Variants in MALRD1 observed in about 807,000 individuals in gnomAD.
MALRD1 encodes MAM and LDL receptor class A domain containing 1, also known as MAM and LDL-receptor class A domain-containing protein 1.
A neutral mutation model predicts 242.1 loss-of-function variants in MALRD1; 247 were observed. The ratio of observed to expected loss-of-function variants is 1.02; its 90% CI spans 0.92 to 1.13. MALRD1 has a LOEUF of 1.13. Ranked by LOEUF, MALRD1 falls within the 50% of genes most tolerant of loss-of-function variation. The pLI is 0.00. For synonymous variants in MALRD1, 995 were observed against 866.6 expected (o/e 1.15, Z -2.60); for missense variants, 2,989 against 2,533.1 (o/e 1.18, Z -3.86).
At chr10:19,283,855 C>T (rs555949935) in intron 21 of MALRD1, among the ~76,000 whole-genome samples, 1 of 152,286 alleles carries the variant, frequency 6.6e-6, no homozygotes, top group South Asian at 2.1e-4. Flanking sequence ...AATAGAGTGC[C>T]TACTGTGTGA....
intron 29 of MALRD1, among the ~76,000 whole-genome samples, chr10:19,481,048 A>G (rs1836974149): frequency 6.6e-6 from 1 of 152,210 alleles, no homozygotes. Context: ...TTTTCTTTCA[A>G]CCAAGTATAC....
chr10:19,614,764 G>A (rs1209230188), intron 35 of MALRD1, among the ~76,000 whole-genome samples: 2 of 152,048 alleles, frequency 1.3e-5, no homozygotes, highest in Non-Finnish European at 2.9e-5. Context: ...GACACAAGCA[G>A]TGAAATAGGA....
At chr10:19,567,202 A>G (rs1836292923) in intron 32 of MALRD1, among the ~76,000 whole-genome samples, 2 of 152,272 alleles carry the variant, frequency 1.3e-5, no homozygotes, top group South Asian at 4.1e-4. Flanking sequence ...CAATAAAAAA[A>G]TTTGTGTTTA....
chr10:19,362,882 G>A (rs982292593), intron 26 of MALRD1, among the ~76,000 whole-genome samples: 3 of 152,082 alleles, frequency 2.0e-5, no homozygotes, highest in Non-Finnish European at 4.4e-5. Flanking sequence ...AAAGAAGATA[G>A]CAAGAGGTGG....
Position 19,599,428 on chromosome 10 carries a change from C to T in MALRD1, c.5944+3971C>T, listed in dbSNP as rs556031940. ...AATATAGTTTTTATCAAACATATCC[C>T]CTTTTCGTAAAAATATAAAAGAAAA... On this transcript the variant is annotated intron_variant, in intron 34 of 39. Coordinates refer to ENST00000454679, the MANE Select transcript of MALRD1 (RefSeq NM_001142308.3). Among the ~76,000 whole-genome samples, 32 of 151,824 alleles carry T rather than the reference C, an allele frequency of 2.1e-4. No homozygotes were observed. In the South Asian group the frequency reaches 6.1e-3, roughly 29 times the overall value.
intron 19 of MALRD1, 107 bp from the exon 20 acceptor site, chr10:19,279,940 T>C: frequency 1.1e-6 from 1 of 905,754 alleles, no homozygotes; most frequent in Non-Finnish European, 1.6e-6. Context: ...CACTGTTCTC[T>C]ATGATATTGT....
At chr10:19,175,923 A>G (rs1476491024) in intron 14 of MALRD1, among the ~76,000 whole-genome samples, 2 of 152,144 alleles carry the variant, frequency 1.3e-5, no homozygotes, top group African/African-American at 2.4e-5. Flanking sequence ...TGGATCTCAT[A>G]TAGTCAACTA....
intron 36 of MALRD1, among the ~76,000 whole-genome samples, 186 bp from the exon 37 acceptor site, chr10:19,692,091 AATGAT>A (rs1397398054): frequency 6.6e-6 from 1 of 152,178 alleles, no homozygotes; most frequent in Non-Finnish European, 1.5e-5. Context: ...TATCTTACAC[AATGAT>A]ATGAAAATAA....
At chr10:19,276,861 A>G (rs1251605091) in intron 19 of MALRD1, among the ~76,000 whole-genome samples, 1 of 151,080 alleles carries the variant, frequency 6.6e-6, no homozygotes, top group Non-Finnish European at 1.5e-5. Context: ...CTATTTTAGG[A>G]TAGAAAATAT....
intron 32 of MALRD1, among the ~76,000 whole-genome samples, chr10:19,559,092 A>C (rs998448604): frequency 1.3e-5 from 2 of 151,982 alleles, no homozygotes; most frequent in Admixed American, 6.6e-5. Flanking sequence ...CTGAGGTGGG[A>C]GAATCGCTTG....
intron 4 of MALRD1, among the ~76,000 whole-genome samples, chr10:19,094,659 T>TTC (rs1207441525): frequency 6.6e-6 from 1 of 152,222 alleles, no homozygotes; most frequent in Non-Finnish European, 1.5e-5. Context: ...TTCCAGACTT[T>TTC]TCTCATGCTT....
intron 2 of MALRD1, among the ~76,000 whole-genome samples, chr10:19,086,267 C>A (rs1405638130): frequency 6.6e-6 from 1 of 151,954 alleles, no homozygotes; most frequent in Non-Finnish European, 1.5e-5. Flanking sequence ...ACTATTGATT[C>A]TTTTAATGAT....
At chr10:19,327,707 T>C in intron 23 of MALRD1, 34 bp downstream of exon 23, 1 of 1,467,542 alleles carries the variant, frequency 6.8e-7, no homozygotes, top group Non-Finnish European at 9.3e-7. Flanking sequence ...GGTGAGTGAG[T>C]TCTGCTGATT....
intron 33 of MALRD1, among the ~76,000 whole-genome samples, chr10:19,591,266 G>A (rs193185494): frequency 1.3e-5 from 2 of 152,278 alleles, no homozygotes; most frequent in Non-Finnish European, 2.9e-5. Flanking sequence ...TTATTTTACA[G>A]AGTTAAAGGA....
intron 11 of MALRD1, among the ~76,000 whole-genome samples, chr10:19,152,807 G>T (rs2131459933): frequency 6.6e-6 from 1 of 151,810 alleles, no homozygotes; most frequent in African/African-American, 2.4e-5. Flanking sequence ...ATGTCTACTA[G>T]ATATTTTATT....
chr10:19,618,242 G>A (rs1589314548), intron 36 of MALRD1, among the ~76,000 whole-genome samples: 2 of 151,956 alleles, frequency 1.3e-5, no homozygotes, highest in African/African-American at 4.8e-5. Context: ...ATCGATGGGT[G>A]TTTAGATTGA....
chr10:19,518,831 A>G (rs1469139618), intron 31 of MALRD1, among the ~76,000 whole-genome samples: 15 of 152,224 alleles, frequency 9.9e-5, no homozygotes, highest in Non-Finnish European at 4.4e-5. Context: ...GGCAATTGCC[A>G]TTCATGAATC....
chr10:19,316,625 C>T (rs1265481823), intron 21 of MALRD1, among the ~76,000 whole-genome samples: 5 of 151,704 alleles, frequency 3.3e-5, no homozygotes, highest in Admixed American at 2.0e-4. Flanking sequence ...GGAGCAGTTC[C>T]GCACAACGAG....
intron 33 of MALRD1, among the ~76,000 whole-genome samples, chr10:19,585,604 C>T (rs1251451905): frequency 6.6e-6 from 1 of 152,154 alleles, no homozygotes; most frequent in Non-Finnish European, 1.5e-5. Flanking sequence ...TGCTGTTATT[C>T]TGATGGGCTT....
Sources: allele counts gnomAD v4.1 joint callset (sites outside exome capture counted in the v4.1 genomes callset), GRCh38; gene constraint gnomAD v4.1.1; transcripts MANE v1.5; gene names NCBI Gene and HGNC (gene_info 2026-07-23, HGNC 2026-07-21).